ALDH6A1: variants seen among roughly 807,000 people sequenced by gnomAD.
The protein encoded by ALDH6A1 is methylmalonate-semialdehyde/malonate-semialdehyde dehydrogenase [acylating], mitochondrial.
A neutral mutation model predicts 62.6 loss-of-function variants in ALDH6A1; 43 were observed. The ratio of observed to expected loss-of-function variants is 0.69; its 90% CI spans 0.54 to 0.89. The LOEUF (loss-of-function observed/expected upper bound fraction) is 0.89, where lower values mean the gene tolerates loss of function less well. Among genes scored for constraint, ALDH6A1 ranks in the 40% least tolerant of loss-of-function variants. ALDH6A1 has a pLI of 0.00. For synonymous variants in ALDH6A1, 194 were observed against 234.2 expected (o/e 0.83, Z 1.57); for missense variants, 551 against 661.3 (o/e 0.83, Z 1.83).
rs2060301982 is a variant in ALDH6A1, at chr14:74,059,869, T to C, written c.*773A>G. 6.5e-6 allele frequency: 1 copy of C among 153,730 alleles called. No homozygotes were observed. The allele number at this position is 153,730 out of a possible 1,614,324, so 9.5% of individuals were successfully genotyped here. A position where few individuals can be genotyped will look rare whatever the true frequency, so the allele number is the denominator to read the frequency against. ...TGATCTTAAGCAGGAGCAGTGACAATGATAGAATTAATAGTGGTCATGAAT... is the reference window on the plus strand; with the variant it reads ...TGATCTTAAGCAGGAGCAGTGACAACGATAGAATTAATAGTGGTCATGAAT... On this transcript the variant is annotated 3_prime_UTR_variant, in exon 12 of 12. Coordinates refer to ENST00000553458, the MANE Select transcript of ALDH6A1 (RefSeq NM_005589.4).
At chr14:74,073,110 ATTTTTTATTTTTTT>A (rs1428672533) in intron 2 of ALDH6A1, among the ~76,000 whole-genome samples, 1 of 151,062 alleles carries the variant, frequency 6.6e-6, no homozygotes, top group Non-Finnish European at 1.5e-5. Flanking sequence ...CTTATTTTTT[ATTTTTTATTTTTTT>A]GAGACATGGT....
chr14:74,057,064 A>G lies in ALDH6A1; in HGVS notation c.*3578T>C. On this transcript the variant is annotated 3_prime_UTR_variant, in exon 12 of 12. Coordinates refer to ENST00000553458, the MANE Select transcript of ALDH6A1 (RefSeq NM_005589.4). ...ATCTTGAATGTGCTAATTGAAAGTAATATGACAAGTCTGTTATTCTAAACC... is the reference window on the plus strand; with the variant it reads ...ATCTTGAATGTGCTAATTGAAAGTAGTATGACAAGTCTGTTATTCTAAACC... 5 of 1,593,682 alleles carry G rather than the reference A, an allele frequency of 3.1e-6. No homozygotes were observed. Among genetic ancestry groups the G allele is most frequent in the Non-Finnish European group, 4.3e-6 (5 of 1,165,534 alleles).
At chr14:74,078,041 C>T (rs1014654930) in intron 1 of ALDH6A1, among the ~76,000 whole-genome samples, 5 of 152,126 alleles carry the variant, frequency 3.3e-5, no homozygotes, top group African/African-American at 1.2e-4. Flanking sequence ...AGTTCAAGAC[C>T]AGCTTGGGGA....
chr14:74,082,018 G>A (rs142361346), intron 1 of ALDH6A1, among the ~76,000 whole-genome samples: 3,457 of 152,166 alleles, frequency 0.023, 35 homozygotes, highest in African/African-American at 0.029. Context: ...ACCAGCCTGG[G>A]CAACATGGTG....
chr14:74,066,982 A>C, intron 8 of ALDH6A1, 96 bp from the exon 9 acceptor site: 1 of 1,209,728 alleles, frequency 8.3e-7, no homozygotes, highest in Non-Finnish European at 1.2e-6. Flanking sequence ...TTAGGAGGCC[A>C]AGGCAGGAGG....
At chr14:74,067,848 C>T (rs1336951908) in intron 7 of ALDH6A1, among the ~76,000 whole-genome samples, 3 of 152,002 alleles carry the variant, frequency 2.0e-5, no homozygotes, top group Admixed American at 6.6e-5. Context: ...CCACTTGATC[C>T]TGGGAGGCGG....
rs774714053 is a variant in ALDH6A1, at chr14:74,067,596, A to C, written c.853-27T>G. On this transcript the variant is annotated intron_variant, in intron 7 of 11. Coordinates refer to ENST00000553458, the MANE Select transcript of ALDH6A1 (RefSeq NM_005589.4). ...TAAAAAAAAATGCAGAAAGCACATG[A>C]GTCTTCCTTGGCCAAATACAACTAA... is the stretch of plus-strand genomic sequence containing the variant. The C allele has an allele frequency of 4.3e-6, 7 of 1,612,126 alleles. No individual in the cohort carries two copies. In the South Asian group the frequency reaches 7.7e-5, roughly 18 times the overall value.
chr14:74,067,525 T>G lies in ALDH6A1; in HGVS notation c.897A>C (p.Glu299Asp). ...HGVVMPDANK[E>D]NTLNQLVGAA... The stretch of plus-strand genomic sequence containing the variant: ...CCCCAACCAGCTGGTTCAGGGTATT[T>G]TCCTTATTGGCATCTGGCATGACTA... Residue 299 changes from glutamate (E) to aspartate (D), a missense_variant, in exon 8 of 12, where the codon GAA becomes GAC. Glu to Asp is a conservative substitution (Grantham distance 45). Coordinates refer to ENST00000553458, the MANE Select transcript of ALDH6A1 (RefSeq NM_005589.4). 6.2e-7 allele frequency: 1 copy of G among 1,614,198 alleles called. No individual in the cohort carries two copies. Among genetic ancestry groups the G allele is most frequent in the South Asian group, 1.1e-5 (1 of 91,082 alleles).
intron 8 of ALDH6A1, 90 bp from the exon 9 acceptor site, chr14:74,066,976 G>A: frequency 7.7e-7 from 1 of 1,297,820 alleles, no homozygotes; most frequent in Non-Finnish European, 1.1e-6. Flanking sequence ...AAAGCTTTAG[G>A]AGGCCAAGGC....
chr14:74,083,220 G>A (rs1428229011), intron 1 of ALDH6A1, among the ~76,000 whole-genome samples: 1 of 152,122 alleles, frequency 6.6e-6, no homozygotes, highest in African/African-American at 2.4e-5. Context: ...ACGGAAACCT[G>A]GTGAATACTA....
chr14:74,084,131 G>A (rs896891968), intron 1 of ALDH6A1, among the ~76,000 whole-genome samples: 8 of 152,176 alleles, frequency 5.3e-5, no homozygotes, highest in African/African-American at 1.9e-4. Flanking sequence ...GAGTAAAAGG[G>A]TAGAGGGCCA....
At chr14:74,072,506 T>A (rs752886520) in intron 3 of ALDH6A1, 31 bp downstream of exon 3, 1 of 1,614,088 alleles carries the variant, frequency 6.2e-7, no homozygotes, top group Non-Finnish European at 8.5e-7. Flanking sequence ...TCTAGGCTCA[T>A]AAGTTGAAGT....
chr14:74,066,598 A>T, intron 9 of ALDH6A1, 107 bp downstream of exon 9: 2 of 1,146,562 alleles, frequency 1.7e-6, no homozygotes, highest in Non-Finnish European at 2.6e-6. Flanking sequence ...CTGGCAAGAG[A>T]TAAGGTCTTA....
chr14:74,071,496 C>T lies in ALDH6A1; in HGVS notation c.429G>A (p.Gln143=). The change falls in exon 6 of 12, where the codon CAG becomes CAA. Residue 143 remains glutamine, a splice_region_variant and synonymous_variant. Transcript: ENST00000553458. ...DAEGDVFRGL[Q]VVEHACSVTS... ...TCACACTACAGGCATGCTCAACCAC[C>T]TCTGGAACACAGAAGTCAGGCCATC... 1 of 1,613,800 alleles carries T rather than the reference C, an allele frequency of 6.2e-7. No individual in the cohort carries two copies.
intron 2 of ALDH6A1, 132 bp from the exon 3 acceptor site, chr14:74,072,743 G>T: frequency 9.8e-7 from 1 of 1,016,730 alleles, no homozygotes; most frequent in Non-Finnish European, 1.5e-6. Context: ...CTGGTCTTTA[G>T]AAATGTTACC....
At chr14:74,063,156 C>A (rs183934741) in intron 11 of ALDH6A1, among the ~76,000 whole-genome samples, 1 of 152,054 alleles carries the variant, frequency 6.6e-6, no homozygotes, top group Non-Finnish European at 1.5e-5. Context: ...GACATATGCA[C>A]CTGTTGGCCG....
intron 6 of ALDH6A1, among the ~76,000 whole-genome samples, chr14:74,070,382 G>A (rs10129383): frequency 0.022 from 3,307 of 152,088 alleles, 79 homozygotes; most frequent in African/African-American, 0.061. Context: ...AGTGGGGCAC[G>A]GTGGCGCATG....
intron 2 of ALDH6A1, 75 bp downstream of exon 2, chr14:74,074,880 G>T: frequency 7.0e-7 from 1 of 1,437,582 alleles, no homozygotes; most frequent in Non-Finnish European, 9.8e-7. Flanking sequence ...TGACAATTAT[G>T]TAAAGAAGAT....
In ALDH6A1 at chr14:74,068,901, C is replaced by T. The variant is rs199875058; in HGVS notation, c.811G>A (p.Glu271Lys). Residue 271 changes from glutamate to lysine, a missense_variant, in exon 7 of 12, where the codon GAG becomes AAG. Physicochemically the swap from Glu to Lys is moderately conservative, Grantham distance 56 (BLOSUM62 1). Coordinates refer to ENST00000553458, the MANE Select transcript of ALDH6A1 (RefSeq NM_005589.4). ...GSNKAGEYIFERGSRHGKRVQ... is the reference protein window; with the variant it reads ...GSNKAGEYIFKRGSRHGKRVQ... ...CTCTTGCCATGTCTTGATCCTCTCT[C>T]GAAGATATACTCTCCTGCCTTGTTG... The T allele has an allele frequency of 1.9e-5, 31 of 1,613,996 alleles. No homozygotes were observed. The highest frequency in any genetic ancestry group is 5.5e-5 in the South Asian group (5 of 91,072).
Sources: allele counts gnomAD v4.1 joint callset (sites outside exome capture counted in the v4.1 genomes callset), GRCh38; gene constraint gnomAD v4.1.1; transcripts MANE v1.5; gene names NCBI Gene and HGNC (gene_info 2026-07-23, HGNC 2026-07-21).